Variants in KIF15 observed in about 807,000 individuals in gnomAD.
The protein encoded by KIF15 is kinesin family member 15, also known as kinesin-like protein KIF15.
KIF15 carries 140 observed loss-of-function variants against 190.6 expected under a neutral mutation model. That is an observed-to-expected ratio of 0.73 (90% CI 0.64 to 0.84). The LOEUF is 0.84. KIF15 is among the 40% of genes least tolerant of loss of function. The pLI, the probability that KIF15 is intolerant of heterozygous loss-of-function variation, is 0.00. For synonymous variants in KIF15, 528 were observed against 551.3 expected (o/e 0.96, Z 0.59); for missense variants, 1,372 against 1,584.4 (o/e 0.87, Z 2.28).
intron 26 of KIF15, among the ~76,000 whole-genome samples, chr3:44,832,185 G>A (rs1229778202): frequency 6.6e-6 from 1 of 152,200 alleles, no homozygotes. Flanking sequence ...AGAGAGGGAA[G>A]CTTGGCAGTG....
intron 30 of KIF15, among the ~76,000 whole-genome samples, chr3:44,845,438 G>C (rs1047799898): frequency 8.6e-5 from 13 of 151,852 alleles, no homozygotes; most frequent in Non-Finnish European, 4.4e-5. Context: ...CAACGATTTT[G>C]GTAATTACAA....
At chr3:44,790,134 T>G (rs1031176322) in intron 7 of KIF15, among the ~76,000 whole-genome samples, 5 of 152,124 alleles carry the variant, frequency 3.3e-5, no homozygotes, top group African/African-American at 1.2e-4. Flanking sequence ...ACTTTCATAC[T>G]GCATTGTTTA....
chr3:44,834,107 T>A (rs1302072647), intron 26 of KIF15, among the ~76,000 whole-genome samples: 1 of 152,234 alleles, frequency 6.6e-6, no homozygotes, highest in Non-Finnish European at 1.5e-5. Context: ...ATATCGTATT[T>A]TAGATTCATA....
At chr3:44,812,422 A>G in intron 18 of KIF15, 133 bp downstream of exon 18, 1 of 659,546 alleles carries the variant, frequency 1.5e-6, no homozygotes. Context: ...CAGAAAGAAA[A>G]TGTTGTCACA....
Position 44,761,832 on chromosome 3 carries a change from T to C in KIF15, c.-34T>C. 6.2e-7 allele frequency: 1 copy of C among 1,614,152 alleles called. No individual in the cohort carries two copies. Reference sequence around the variant, plus strand: ...GCAGTCGGGAGGTGGAGGCACCGGCTGCATTGTTTTCGGGATCGAGGGGTG... The same window carrying C: ...GCAGTCGGGAGGTGGAGGCACCGGCCGCATTGTTTTCGGGATCGAGGGGTG... On this transcript the variant is annotated 5_prime_UTR_variant, in exon 1 of 35. Transcript: ENST00000326047.
chr3:44,852,237 G>A lies in KIF15; in HGVS notation c.4002G>A (p.Glu1334=). 1 of 1,613,392 alleles carries A rather than the reference G, an allele frequency of 6.2e-7. No individual in the cohort carries two copies. The highest frequency in any genetic ancestry group is 8.5e-7 in the Non-Finnish European group (1 of 1,179,522). ...QEMEMLRKQV[E]CLAEENGKLV... ...TGGAAATGTTAAGGAAGCAGGTGGA[G>A]TGTCTTGCTGAGGAAAATGGAAAGT... Residue 1334 remains glutamate (E), a synonymous_variant, in exon 34 of 35, where the codon GAG becomes GAA. Transcript: ENST00000326047.
At chr3:44,854,303 TG>T (rs1699157109), downstream of KIF15, among the ~76,000 whole-genome samples, 1 of 151,622 alleles carries the variant, frequency 6.6e-6, no homozygotes. Context: ...AAGAATCGCT[TG>T]AACCCGGGAG....
intron 16 of KIF15, 45 bp downstream of exon 16, chr3:44,806,031 C>T: frequency 3.8e-6 from 6 of 1,585,202 alleles, no homozygotes; most frequent in Non-Finnish European, 5.2e-6. Flanking sequence ...AGTGCAATGT[C>T]ATTTTATTAA....
At chr3:44,796,881 A>G (rs897252655) in intron 8 of KIF15, among the ~76,000 whole-genome samples, 1 of 152,150 alleles carries the variant, frequency 6.6e-6, no homozygotes, top group Non-Finnish European at 1.5e-5. Flanking sequence ...ATTTTAGCAT[A>G]AAAGGATTGA....
At chr3:44,775,746 G>C (rs533764829) in intron 3 of KIF15, among the ~76,000 whole-genome samples, 1 of 151,706 alleles carries the variant, frequency 6.6e-6, no homozygotes, top group African/African-American at 2.4e-5. Flanking sequence ...GAGCCACCTC[G>C]CTGGAAACTT....
intron 6 of KIF15, 147 bp downstream of exon 6, chr3:44,785,089 A>G (rs953884757): frequency 8.0e-6 from 4 of 497,892 alleles, no homozygotes; most frequent in East Asian, 3.5e-5. Flanking sequence ...AAACCTTTCA[A>G]TTCTGAGGAT....
intron 20 of KIF15, among the ~76,000 whole-genome samples, chr3:44,825,354 T>G (rs1697581873): frequency 6.6e-6 from 1 of 152,220 alleles, no homozygotes; most frequent in African/African-American, 2.4e-5. Flanking sequence ...ATTTGCTGCT[T>G]CTGCTCTGCT....
chr3:44,832,310 C>T (rs1698110617), intron 26 of KIF15, among the ~76,000 whole-genome samples: 1 of 152,162 alleles, frequency 6.6e-6, no homozygotes, highest in African/African-American at 2.4e-5. Context: ...TGAGGAACGT[C>T]AGCTGTATCT....
chr3:44,772,324 C>T (rs943028241), intron 1 of KIF15, among the ~76,000 whole-genome samples: 2 of 152,120 alleles, frequency 1.3e-5, no homozygotes, highest in African/African-American at 4.8e-5. Context: ...TCCTGGGGCT[C>T]CATTAGGAAA....
intron 6 of KIF15, 67 bp downstream of exon 6, chr3:44,785,009 T>G: frequency 1.2e-5 from 9 of 774,066 alleles, no homozygotes; most frequent in African/African-American, 1.8e-5. Context: ...CTACTGATAA[T>G]TAGCTCATGA....
At chr3:44,799,192 C>T in intron 10 of KIF15, 1 of 454,692 alleles carries the variant, frequency 2.2e-6, no homozygotes, top group South Asian at 1.6e-5. Context: ...GCAGTAGTAC[C>T]TTGTAATGAG....
chr3:44,788,354 T>G (rs1706511484), intron 7 of KIF15, among the ~76,000 whole-genome samples: 1 of 152,236 alleles, frequency 6.6e-6, no homozygotes, highest in Admixed American at 6.5e-5. Context: ...GATAAAGTAC[T>G]CGATTAAGAT....
rs772718009 is a variant in KIF15, at chr3:44,784,907, T to A, written c.424T>A (p.Tyr142Asn). 3 of 1,585,842 alleles carry A rather than the reference T, an allele frequency of 1.9e-6. No individual in the cohort carries two copies. The highest frequency in any genetic ancestry group is 4.5e-5 in the East Asian group (2 of 44,558). ...AGGAGTAATCCCACGAAGTTTTGAA[T>A]ATTTGTTTTCCTTAATTGATCGTGA... ...LRGVIPRSFE[Y>N]LFSLIDREKE... is the part of the protein sequence containing the mutation. The change falls in exon 6 of 35, where the codon TAT (tyrosine) becomes AAT (asparagine). Residue 142 changes from tyrosine (Y) to asparagine (N), a missense_variant. Tyr to Asn is a moderately radical substitution (Grantham distance 143). Transcript: ENST00000326047.
At position 44,809,292 on chromosome 3, in the gene KIF15, A is replaced by G. The variant is rs146049844; in HGVS notation, c.1972-1554A>G. Among the ~76,000 whole-genome samples, 1,495 of 152,038 alleles carry G rather than the reference A, an allele frequency of 9.8e-3. 21 individuals are homozygous for G. The highest frequency in any genetic ancestry group is 0.033 in the African/African-American group (1,369 of 41,478). On this transcript the variant is annotated intron_variant, in intron 16 of 34. Transcript: ENST00000326047. ...AAAAGAAAAACTATTGTTTTTTTAT[A>G]TTTTTCTTCAGATTTTGTTTTTATG...
Sources: gnomAD v4.1 joint callset for allele counts (sites outside exome capture counted in the v4.1 genomes callset) on GRCh38, gnomAD v4.1.1 for gene constraint, MANE v1.5 for transcripts, NCBI Gene and HGNC (gene_info 2026-07-23, HGNC 2026-07-21) for gene names.